Variants in TET1 observed in about 807,000 individuals in gnomAD.
TET1 encodes methylcytosine dioxygenase TET1.
Under a neutral mutation model 148.7 loss-of-function variants are expected in TET1, and 13 were observed. The ratio of observed to expected loss-of-function variants is 0.09; its 90% CI spans 0.06 to 0.14. TET1 has a LOEUF of 0.14. TET1 is among the 10% of genes least tolerant of loss of function. The pLI, the probability that TET1 is intolerant of heterozygous loss-of-function variation, is 1.00. For missense variants in TET1, 2,182 were observed against 2,553.8 expected, an observed-to-expected ratio of 0.85 and a Z score of 3.14; for synonymous variants, 907 against 937.2, an observed-to-expected ratio of 0.97 and a Z score of 0.59.
rs1008662337 is a variant in TET1, at chr10:68,667,182, A to G, written c.4599A>G (p.Leu1533=). Residue 1533 remains leucine, a synonymous_variant, in exon 7 of 12, where the codon CTA becomes CTG. Transcript: ENST00000373644. The part of the protein sequence containing the change: ...DGIPLPMADR[L]YTELTENLKS... ...TCCCTCTTCCAATGGCCGACCGGCTATACACAGAGCTCACAGAGAATCTAA... is the reference window on the plus strand; with the variant it reads ...TCCCTCTTCCAATGGCCGACCGGCTGTACACAGAGCTCACAGAGAATCTAA... The G allele has an allele frequency of 6.2e-7, 1 of 1,614,132 alleles. No individual in the cohort carries two copies. The highest frequency in any genetic ancestry group is 8.5e-7 in the Non-Finnish European group (1 of 1,180,008).
At chr10:68,672,504 A>AAAC (rs2055287775) in intron 7 of TET1, among the ~76,000 whole-genome samples, 2 of 149,036 alleles carry the variant, frequency 1.3e-5, no homozygotes, top group Admixed American at 1.3e-4. Context: ...AAAAAAAAAA[A>AAAC]AAAAAAACAC....
At chr10:68,637,060 G>A (rs892191534) in intron 3 of TET1, among the ~76,000 whole-genome samples, 3 of 151,874 alleles carry the variant, frequency 2.0e-5, no homozygotes, top group Non-Finnish European at 2.9e-5. Context: ...GTGCAGTGGT[G>A]CAATTTCGGC....
In TET1 at chr10:68,624,258, G is replaced by A. The variant is rs184059630; in HGVS notation, c.1969-20440G>A. Reference sequence around the variant, plus strand: ...ATTACAGGCGCGTGCCACCATGCCTGGCTAATTCTTGTGTGTGTGTTTTTT... The same window carrying A: ...ATTACAGGCGCGTGCCACCATGCCTAGCTAATTCTTGTGTGTGTGTTTTTT... On this transcript the variant is annotated intron_variant, in intron 3 of 11. Coordinates refer to ENST00000373644, the MANE Select transcript of TET1 (RefSeq NM_030625.3). Among the ~76,000 whole-genome samples the A allele has an allele frequency of 2.1e-4, 31 of 149,398 alleles. No homozygotes were observed. In the East Asian group the frequency reaches 5.9e-3, roughly 29 times the overall value.
intron 3 of TET1, among the ~76,000 whole-genome samples, chr10:68,624,049 A>T (rs367567974): frequency 5.9e-5 from 1 of 16,858 alleles, no homozygotes; most frequent in East Asian, 3.7e-3. Context: ...ATTTTCATGA[A>T]GCAATATAAT....
chr10:68,576,909 T>G (rs964072303), intron 2 of TET1, among the ~76,000 whole-genome samples: 4 of 130,794 alleles, frequency 3.1e-5, no homozygotes, highest in African/African-American at 1.1e-4. Flanking sequence ...ACCTGGCTAA[T>G]TTTTGTATTT....
chr10:68,647,299 G>A (rs547928708), intron 4 of TET1, among the ~76,000 whole-genome samples: 8 of 152,226 alleles, frequency 5.3e-5, no homozygotes, highest in South Asian at 4.1e-4. Flanking sequence ...TTTATCGTGC[G>A]TAGCATAAGA....
Position 68,573,662 on chromosome 10 carries a change from A to G in TET1, c.1324A>G (p.Thr442Ala), listed in dbSNP as rs896075608. 4 of 1,614,082 alleles carry G rather than the reference A, an allele frequency of 2.5e-6. No homozygotes were observed. The highest frequency in any genetic ancestry group is 1.6e-4 in the Middle Eastern group (1 of 6,062). Residue 442 changes from threonine (T) to alanine (A), a missense_variant, in exon 2 of 12, where the codon ACC becomes GCC. Transcript: ENST00000373644. ...FLPVPPNPIA[T>A]FNAPSKWPEP... Reference sequence around the variant, plus strand: ...TCCTGTTCCTCCAAATCCAATTGCTACCTTTAATGCTCCTTCCAAATGGCC... The same window carrying G: ...TCCTGTTCCTCCAAATCCAATTGCTGCCTTTAATGCTCCTTCCAAATGGCC...
At chr10:68,673,960 C>CT (rs869073350) in intron 8 of TET1, among the ~76,000 whole-genome samples, 2,349 of 72,414 alleles carry the variant, frequency 0.032, 57 homozygotes, top group African/African-American at 0.047. Flanking sequence ...TTTTCTTTTT[C>CT]TTTTTTTTTT....
chr10:68,569,881 A>G (rs1177282081), intron 1 of TET1, among the ~76,000 whole-genome samples: 1 of 138,398 alleles, frequency 7.2e-6, no homozygotes, highest in Non-Finnish European at 1.6e-5. Context: ...GAGGAACTTC[A>G]TCAACTTAAA....
intron 2 of TET1, among the ~76,000 whole-genome samples, chr10:68,595,766 C>T (rs2053971293): frequency 6.8e-6 from 1 of 146,996 alleles, no homozygotes; most frequent in Admixed American, 6.9e-5. Flanking sequence ...TACAGGCAAG[C>T]GCCACCAGGT....
At chr10:68,655,651 G>A (rs530344796) in intron 6 of TET1, among the ~76,000 whole-genome samples, 2 of 152,096 alleles carry the variant, frequency 1.3e-5, no homozygotes, top group African/African-American at 4.8e-5. Flanking sequence ...GTAGTGTATA[G>A]TTTTTTTGTT....
intron 2 of TET1, among the ~76,000 whole-genome samples, chr10:68,576,989 A>G (rs1165760658): frequency 6.6e-6 from 1 of 152,018 alleles, no homozygotes; most frequent in Non-Finnish European, 1.5e-5. Flanking sequence ...GCTCACTGCA[A>G]GCTCTGCCTC....
chr10:68,606,302 G>A (rs1265290682), intron 3 of TET1, among the ~76,000 whole-genome samples: 1 of 152,184 alleles, frequency 6.6e-6, no homozygotes, highest in Non-Finnish European at 1.5e-5. Flanking sequence ...GGAAGGCGGA[G>A]GTGGCAGTCA....
chr10:68,691,901 A>G lies in TET1; in HGVS notation c.*87A>G, dbSNP rs571518664. 1.4e-6 allele frequency: 2 copies of G among 1,434,742 alleles called. No individual in the cohort carries two copies. Among genetic ancestry groups the G allele is most frequent in the African/African-American group, 1.4e-5 (1 of 70,200 alleles). 88.9% of individuals were successfully genotyped at this position (1,434,742 alleles called of 1,614,324 possible). A position where few individuals can be genotyped will look rare whatever the true frequency, so the allele number is the denominator to read the frequency against. On this transcript the variant is annotated 3_prime_UTR_variant, in exon 12 of 12. Transcript: ENST00000373644. This position sits in a 1 kb window ranked among gnomAD's most constrained non-coding sequence, Gnocchi z 4.4. ...AAAGAAAGTCATGTTGTCGTTTACT[A>G]TCTTCATCTCACCCATTTCAAGTCT...
chr10:68,627,544 C>T (rs536322193), intron 3 of TET1, among the ~76,000 whole-genome samples: 4 of 151,746 alleles, frequency 2.6e-5, no homozygotes, highest in South Asian at 4.2e-4. Flanking sequence ...TGCAGTGAGC[C>T]GAGATCGTGC....
intron 1 of TET1, among the ~76,000 whole-genome samples, chr10:68,567,232 C>T: frequency 6.6e-6 from 1 of 152,152 alleles, no homozygotes; most frequent in African/African-American, 2.4e-5. Context: ...GGAACATGGA[C>T]TCAGCTAAGT....
At chr10:68,673,936 T>TG (rs1171746449) in intron 8 of TET1, among the ~76,000 whole-genome samples, 3 of 45,960 alleles carry the variant, frequency 6.5e-5, no homozygotes, top group African/African-American at 5.2e-4. Flanking sequence ...TTTCTTTTTC[T>TG]TTTTTTTTTT....
Position 68,573,895 on chromosome 10 carries a change from T to C in TET1, c.1557T>C (p.Pro519=), listed in dbSNP as rs1415376553. ...PANTQGFPLA[P]ERGLFHASLG... Reference sequence around the variant, plus strand: ...ACACTCAGGGGTTCCCATTAGCCCCTGAGAGAGGACTCTTCCATGCTTCAC... The same window carrying C: ...ACACTCAGGGGTTCCCATTAGCCCCCGAGAGAGGACTCTTCCATGCTTCAC... Residue 519 remains proline, a synonymous_variant, in exon 2 of 12, where the codon CCT becomes CCC. Transcript: ENST00000373644. 6.2e-7 allele frequency: 1 copy of C among 1,614,162 alleles called. No homozygotes were observed. Among genetic ancestry groups the C allele is most frequent in the South Asian group, 1.1e-5 (1 of 91,084 alleles).
At chr10:68,628,093 C>T (rs566575950) in intron 3 of TET1, among the ~76,000 whole-genome samples, 88 of 152,102 alleles carry the variant, frequency 5.8e-4, no homozygotes, top group Non-Finnish European at 9.3e-4. Context: ...ATTATAGGCA[C>T]CCACCAACAC....
Sources: gnomAD v4.1 joint callset for allele counts (sites outside exome capture counted in the v4.1 genomes callset) on GRCh38, gnomAD v4.1.1 for gene constraint, Gnocchi (gnomAD v3.1) non-coding constraint, MANE v1.5 for transcripts, NCBI Gene and HGNC (gene_info 2026-07-23, HGNC 2026-07-21) for gene names.